LRBA: variants seen among roughly 807,000 people sequenced by gnomAD.
LRBA encodes lipopolysaccharide-responsive and beige-like anchor protein.
LRBA carries 176 observed loss-of-function variants against 330.0 expected under a neutral mutation model. The observed-to-expected ratio is 0.53, with a 90% CI of 0.47 to 0.60. The LOEUF is 0.60. Among genes scored for constraint, LRBA ranks in the 20% least tolerant of loss-of-function variants. LRBA has a pLI of 0.00. For synonymous variants in LRBA, 1,230 were observed against 1,193.0 expected (o/e 1.03, Z -0.64); for missense variants, 3,259 against 3,444.8 (o/e 0.95, Z 1.35).
chr4:150,731,740 T>TA (rs953757901), intron 36 of LRBA, among the ~76,000 whole-genome samples: 19 of 151,768 alleles, frequency 1.3e-4, no homozygotes, highest in Admixed American at 2.6e-4. Flanking sequence ...TCTATAGGTA[T>TA]AAAAAAAACA....
Position 150,868,305 on chromosome 4 carries a change from T to TACAGTATAAA in LRBA, c.2450-1_2450insTTTATACTGT (p.Gln817LeufsTer32). 6.3e-7 allele frequency: 1 copy of TACAGTATAAA among 1,590,498 alleles called. No homozygotes were observed. The highest frequency in any genetic ancestry group is 8.6e-7 in the Non-Finnish European group (1 of 1,168,310). The stretch of plus-strand genomic sequence containing the variant: ...TAGGGTCGCAATTACTTTTAGTATC[T>TACAGTATAAA]CTGTAAGACAGTTTATAAATAAGTA... On this transcript the variant is annotated frameshift_variant and splice_region_variant. Coordinates refer to ENST00000651943, the MANE Select transcript of LRBA (RefSeq NM_001364905.1). LOFTEE classifies it high-confidence loss of function.
chr4:150,871,305 A>T (rs752183655), intron 19 of LRBA, 40 bp downstream of exon 19: 1 of 1,088,456 alleles, frequency 9.2e-7, no homozygotes, highest in Non-Finnish European at 1.4e-6. Context: ...CATTTTTATA[A>T]TAAGAAATTT....
intron 34 of LRBA, among the ~76,000 whole-genome samples, chr4:150,774,347 T>A (rs867633291): frequency 3.3e-5 from 5 of 152,328 alleles, no homozygotes; most frequent in Admixed American, 2.0e-4. Flanking sequence ...GTTGTAAGAC[T>A]GACTGACCAC....
At chr4:150,577,375 C>T (rs1454113825) in intron 40 of LRBA, among the ~76,000 whole-genome samples, 5 of 150,184 alleles carry the variant, frequency 3.3e-5, no homozygotes, top group Admixed American at 2.6e-4. Flanking sequence ...GTTTTATTTC[C>T]TCATTTACAA....
intron 19 of LRBA, 80 bp from the exon 20 acceptor site, chr4:150,870,686 T>G (rs1382773059): frequency 1.4e-6 from 1 of 718,488 alleles, no homozygotes; most frequent in Non-Finnish European, 2.5e-6. Flanking sequence ...TGCATCACTA[T>G]TAATTAACTT....
chr4:150,946,454 T>C (rs1319525820), intron 2 of LRBA, among the ~76,000 whole-genome samples: 3 of 151,962 alleles, frequency 2.0e-5, no homozygotes, highest in Non-Finnish European at 2.9e-5. Context: ...TAGGAATCAA[T>C]AACAGAAAGA....
At chr4:150,513,278 A>G (rs529292188) in intron 40 of LRBA, among the ~76,000 whole-genome samples, 22 of 152,360 alleles carry the variant, frequency 1.4e-4, no homozygotes, top group Middle Eastern at 6.8e-3. Flanking sequence ...GGATGTTTGC[A>G]TAATTAATAG....
At position 150,583,793 on chromosome 4, in the gene LRBA, A is replaced by C; in HGVS notation, c.6330+4255T>G. 6.2e-7 allele frequency: 1 copy of C among 1,614,178 alleles called. No individual in the cohort carries two copies. Among genetic ancestry groups the C allele is most frequent in the Non-Finnish European group, 8.5e-7 (1 of 1,180,034 alleles). On this transcript the variant is annotated intron_variant, in intron 40 of 56. Transcript: ENST00000651943. This position sits in a 1 kb window ranked among gnomAD's most constrained non-coding sequence, Gnocchi z 9.8. ...CGAAACAAGTGCCTCTCAGTGCTGA[A>C]GACTCTGCGGGACCGCCACCTGGAG...
rs1772710096 is a variant in LRBA at position 150,590,695 on chromosome 4, C to T, written c.6193+18G>A. The T allele has an allele frequency of 6.2e-7, 1 of 1,610,994 alleles. No individual in the cohort carries two copies. Among genetic ancestry groups the T allele is most frequent in the Non-Finnish European group, 8.5e-7 (1 of 1,178,572 alleles). On this transcript the variant is annotated intron_variant, in intron 39 of 56. Transcript: ENST00000651943. ...GTCCCAGAGGTAGCTGAAATATCTGCACAACCACCAAATTTACCGGCAAGA... is the reference window on the plus strand; with the variant it reads ...GTCCCAGAGGTAGCTGAAATATCTGTACAACCACCAAATTTACCGGCAAGA...
intron 37 of LRBA, among the ~76,000 whole-genome samples, chr4:150,654,917 C>A (rs894541059): frequency 6.6e-6 from 1 of 152,068 alleles, no homozygotes; most frequent in African/African-American, 2.4e-5. Context: ...TGTAAATGTG[C>A]CACATTTTCT....
At chr4:150,423,995 T>G (rs748676248) in intron 46 of LRBA, among the ~76,000 whole-genome samples, 2 of 152,228 alleles carry the variant, frequency 1.3e-5, no homozygotes, top group Non-Finnish European at 2.9e-5. Context: ...GGGAAAAGAT[T>G]GTAATACATT....
intron 46 of LRBA, among the ~76,000 whole-genome samples, chr4:150,432,188 A>G (rs1342798423): frequency 6.6e-6 from 1 of 152,070 alleles, no homozygotes; most frequent in Non-Finnish European, 1.5e-5. Flanking sequence ...AAATCTCACA[A>G]AAACATTTTA....
intron 42 of LRBA, among the ~76,000 whole-genome samples, chr4:150,484,604 CTGAT>C (rs1323975770): frequency 6.6e-6 from 1 of 151,646 alleles, no homozygotes; most frequent in African/African-American, 2.4e-5. Flanking sequence ...TTTCATTACA[CTGAT>C]TTTTTTCTCT....
chr4:150,525,588 A>T (rs920907522), intron 40 of LRBA, among the ~76,000 whole-genome samples: 1 of 152,182 alleles, frequency 6.6e-6, no homozygotes, highest in Non-Finnish European at 1.5e-5. Flanking sequence ...TTTTAGAAAC[A>T]GTCTTCCTTT....
intron 28 of LRBA, among the ~76,000 whole-genome samples, chr4:150,833,445 G>A (rs1747506171): frequency 6.6e-6 from 1 of 152,090 alleles, no homozygotes; most frequent in Admixed American, 6.6e-5. Context: ...ATACCATGGA[G>A]ATACCACAGG....
At chr4:150,432,408 AATATTTACAT>A (rs1206913716) in intron 46 of LRBA, among the ~76,000 whole-genome samples, 11 of 150,668 alleles carry the variant, frequency 7.3e-5, no homozygotes, top group East Asian at 3.9e-4. Flanking sequence ...AGCTGAATGA[AATATTTACAT>A]ATATTTACAT....
chr4:150,831,188 C>G (rs923397096), intron 29 of LRBA, among the ~76,000 whole-genome samples: 1 of 150,456 alleles, frequency 6.6e-6, no homozygotes, highest in Non-Finnish European at 1.5e-5. Context: ...TTTTTACCAT[C>G]TTTATTACTT....
At chr4:150,878,469 A>G (rs1560952091) in intron 17 of LRBA, among the ~76,000 whole-genome samples, 1 of 152,136 alleles carries the variant, frequency 6.6e-6, no homozygotes. Flanking sequence ...CAAAGCTACC[A>G]GAAGAAAATA....
intron 48 of LRBA, among the ~76,000 whole-genome samples, chr4:150,341,599 T>C (rs1330568915): frequency 6.6e-6 from 1 of 152,136 alleles, no homozygotes; most frequent in Admixed American, 6.5e-5. Flanking sequence ...TTCACTGACT[T>C]AACTCAAATT....
Sources: allele counts gnomAD v4.1 joint callset (sites outside exome capture counted in the v4.1 genomes callset), GRCh38; gene constraint gnomAD v4.1.1; non-coding constraint Gnocchi (gnomAD v3.1); transcripts MANE v1.5; gene names NCBI Gene and HGNC (gene_info 2026-07-23, HGNC 2026-07-21).